DCDC1: variants seen among roughly 807,000 people sequenced by gnomAD.
The protein encoded by DCDC1 is doublecortin domain-containing protein 1.
DCDC1 carries 200 observed loss-of-function variants against 178.3 expected under a neutral mutation model. That is an observed-to-expected ratio of 1.12 (90% CI 1.00 to 1.26). The LOEUF (loss-of-function observed/expected upper bound fraction) is 1.26, where lower values mean the gene tolerates loss of function less well. Among genes scored for constraint, DCDC1 ranks in the 50% most tolerant of loss-of-function variants. The pLI, the probability that DCDC1 is intolerant of heterozygous loss-of-function variation, is 0.00. For synonymous variants in DCDC1, 690 were observed against 604.8 expected (o/e 1.14, Z -2.07); for missense variants, 1,983 against 1,749.2 (o/e 1.13, Z -2.38).
chr11:31,306,699 T>A (rs1948483892), intron 4 of DCDC1, among the ~76,000 whole-genome samples: 1 of 151,794 alleles, frequency 6.6e-6, no homozygotes, highest in South Asian at 2.1e-4. Flanking sequence ...ATATATATAT[T>A]ATATGCAACT....
At chr11:30,876,099 T>C (rs1942090115) in intron 38 of DCDC1, among the ~76,000 whole-genome samples, 1 of 152,146 alleles carries the variant, frequency 6.6e-6, no homozygotes, top group Non-Finnish European at 1.5e-5. Context: ...TGGATCACCT[T>C]AAGGGTGTTT....
chr11:30,914,650 A>AG lies in DCDC1; in HGVS notation c.3653+860_3653+861insC, dbSNP rs1462280248. ...ATGCACCCAAAAAAAAAAAAAAAAA[A>AG]AAAGAGAGAGAGAGAGAAATGTGTA... On this transcript the variant is annotated intron_variant, in intron 27 of 38. Transcript: ENST00000684477. 5.5e-3 allele frequency among the ~76,000 whole-genome samples: 822 copies of AG among 150,168 alleles called. 6 individuals are homozygous for AG. The highest frequency in any genetic ancestry group is 0.019 in the African/African-American group (752 of 40,144).
intron 9 of DCDC1, among the ~76,000 whole-genome samples, chr11:31,235,681 G>A (rs186978412): frequency 3.9e-5 from 6 of 151,976 alleles, no homozygotes; most frequent in Admixed American, 3.9e-4. Context: ...ATTCCTAGAT[G>A]ATCCCCAAAT....
intron 2 of DCDC1, among the ~76,000 whole-genome samples, chr11:31,329,486 T>C (rs1012490063): frequency 6.6e-6 from 1 of 152,138 alleles, no homozygotes; most frequent in Non-Finnish European, 1.5e-5. Flanking sequence ...CCATGTTGGT[T>C]TGCTGTACCC....
intron 7 of DCDC1, among the ~76,000 whole-genome samples, chr11:31,277,624 T>C (rs1946090212): frequency 6.6e-6 from 1 of 152,134 alleles, no homozygotes; most frequent in Admixed American, 6.5e-5. Context: ...AATGTGTGTA[T>C]AGTGGTAACT....
intron 25 of DCDC1, among the ~76,000 whole-genome samples, chr11:30,917,902 C>T (rs539306042): frequency 1.3e-5 from 2 of 152,164 alleles, no homozygotes; most frequent in African/African-American, 4.8e-5. Context: ...AGGGACAATT[C>T]CTGTGCTAGC....
At chr11:30,979,073 C>T (rs937274364) in intron 20 of DCDC1, among the ~76,000 whole-genome samples, 24 of 152,086 alleles carry the variant, frequency 1.6e-4, no homozygotes. Flanking sequence ...ATAACTGTGC[C>T]CATTAACCTC....
At chr11:31,085,014 T>C (rs997116490) in intron 17 of DCDC1, among the ~76,000 whole-genome samples, 1 of 151,572 alleles carries the variant, frequency 6.6e-6, no homozygotes, top group Non-Finnish European at 1.5e-5. Flanking sequence ...AGTATGCCCA[T>C]CAAGCTATCT....
At chr11:31,174,021 C>T (rs1305665891) in intron 9 of DCDC1, among the ~76,000 whole-genome samples, 3 of 152,176 alleles carry the variant, frequency 2.0e-5, no homozygotes, top group Non-Finnish European at 4.4e-5. Context: ...GCCCTACACC[C>T]TTCTGAGTTT....
At chr11:31,245,197 CTCTT>C (rs762898880) in intron 8 of DCDC1, among the ~76,000 whole-genome samples, 6 of 151,354 alleles carry the variant, frequency 4.0e-5, no homozygotes, top group Non-Finnish European at 7.4e-5. Context: ...CATTCTCTCT[CTCTT>C]TTTTTTTTTC....
chr11:30,880,182 T>A (rs1334970801), intron 37 of DCDC1, among the ~76,000 whole-genome samples: 1 of 151,996 alleles, frequency 6.6e-6, no homozygotes, highest in African/African-American at 2.4e-5. Flanking sequence ...GTAGTGAGGG[T>A]CACCAAGAGC....
In DCDC1 at chr11:31,290,834, T is replaced by C. The variant is rs760659009; in HGVS notation, c.773A>G (p.Lys258Arg). 1 of 1,611,946 alleles carries C rather than the reference T, an allele frequency of 6.2e-7. No individual in the cohort carries two copies. The highest frequency in any genetic ancestry group is 8.5e-7 in the Non-Finnish European group (1 of 1,179,070). The change falls in exon 7 of 39, where the codon AAG becomes AGG. Residue 258 changes from lysine to arginine, a missense_variant. Lys to Arg is a conservative substitution (Grantham distance 26, BLOSUM62 2). Transcript: ENST00000684477. ...KKIKDHLLLI[K>R]KVTWTMNGLM... ...CCCATTCATTGTCCAAGTTACTTTC[T>C]TAATTAACAACAGATGGTCTAGAAG...
chr11:30,939,125 A>G lies in DCDC1; in HGVS notation c.2716-7173T>C, dbSNP rs116915341. On this transcript the variant is annotated intron_variant, in intron 21 of 38. Coordinates refer to ENST00000684477, the MANE Select transcript of DCDC1 (RefSeq NM_001387274.1). Reference sequence around the variant, plus strand: ...ATGCCCAACTACCAAGGCAGTACTTATAGTCCAATTTTCCTATCTTGGCTC... The same window carrying G: ...ATGCCCAACTACCAAGGCAGTACTTGTAGTCCAATTTTCCTATCTTGGCTC... Among the ~76,000 whole-genome samples, 489 of 152,280 alleles carry G rather than the reference A, an allele frequency of 3.2e-3. 24 individuals are homozygous for G. The East Asian group carries it at 0.08, about 25-fold the overall frequency.
At chr11:31,271,690 T>C (rs1591601164) in intron 7 of DCDC1, among the ~76,000 whole-genome samples, 1 of 152,184 alleles carries the variant, frequency 6.6e-6, no homozygotes, top group South Asian at 2.1e-4. Context: ...ATGCTGCTGA[T>C]AAAGACATAC....
intron 36 of DCDC1, among the ~76,000 whole-genome samples, chr11:30,888,060 A>AAGAAAGAGAG (rs756638479): frequency 3.0e-4 from 22 of 73,472 alleles, no homozygotes; most frequent in African/African-American, 1.5e-3. Flanking sequence ...GAAAGAAAGA[A>AAGAAAGAGAG]AGAGAGAGAG....
chr11:30,922,669 A>G (rs749058306), intron 23 of DCDC1, 31 bp from the exon 24 acceptor site: 34 of 1,472,620 alleles, frequency 2.3e-5, no homozygotes, highest in Admixed American at 3.4e-5. Flanking sequence ...TATCCTGTAT[A>G]TAATTGTCAC....
intron 1 of DCDC1, among the ~76,000 whole-genome samples, chr11:31,344,571 A>C (rs1449209234): frequency 2.0e-5 from 3 of 152,192 alleles, no homozygotes; most frequent in Non-Finnish European, 4.4e-5. Context: ...GGGGATAAAA[A>C]TAGTAACCAC....
At chr11:31,226,322 T>TA (rs938448911) in intron 9 of DCDC1, among the ~76,000 whole-genome samples, 1 of 151,968 alleles carries the variant, frequency 6.6e-6, no homozygotes, top group African/African-American at 2.4e-5. Flanking sequence ...TAATATTGTG[T>TA]AACTAGAGTC....
At chr11:31,300,014 T>C (rs1947983018) in intron 6 of DCDC1, among the ~76,000 whole-genome samples, 1 of 152,074 alleles carries the variant, frequency 6.6e-6, no homozygotes, top group Non-Finnish European at 1.5e-5. Context: ...CGCGCCACCA[T>C]GCCCAGCTAA....
Sources: allele counts gnomAD v4.1 joint callset (sites outside exome capture counted in the v4.1 genomes callset), GRCh38; gene constraint gnomAD v4.1.1; transcripts MANE v1.5; gene names NCBI Gene and HGNC (gene_info 2026-07-23, HGNC 2026-07-21).